The following GLYATL1 variants were observed in gnomAD, a reference collection of about 807,000 sequenced individuals.
The protein encoded by GLYATL1 is glycine N-acyltransferase-like protein 1.
A neutral mutation model predicts 20.0 loss-of-function variants in GLYATL1; 15 were observed. The observed-to-expected ratio is 0.75, with a 90% CI of 0.50 to 1.15. The LOEUF (loss-of-function observed/expected upper bound fraction) is 1.15. GLYATL1 is among the 50% of genes most tolerant of loss of function. The pLI, the probability that GLYATL1 is intolerant of heterozygous loss-of-function variation, is 0.00. For missense variants in GLYATL1, 380 were observed against 368.5 expected (o/e 1.03, Z -0.26); for synonymous variants, 151 against 131.5 (o/e 1.15, Z -1.01).
downstream of GLYATL1, among the ~76,000 whole-genome samples, chr11:58,909,818 T>C (rs1217411640): frequency 6.6e-6 from 1 of 152,188 alleles, no homozygotes; most frequent in Non-Finnish European, 1.5e-5. Flanking sequence ...AACAATAAAA[T>C]GGATTCATTT....
chr11:58,916,407 C>T (rs1855172922), intron 1 of GLYATL1, among the ~76,000 whole-genome samples: 1 of 152,190 alleles, frequency 6.6e-6, no homozygotes, highest in South Asian at 2.1e-4. Context: ...ACCAAGTCTC[C>T]CCATAAGAGC....
rs563562981 is a variant in GLYATL1 at position 58,954,806 on chromosome 11, T to C, written c.223T>C (p.Tyr75His). The change falls in exon 5 of 7, where the codon TAT (tyrosine) becomes CAT (histidine). Residue 75 changes from tyrosine (Y) to histidine (H), a missense_variant. Transcript: ENST00000532726. ...TDDMDSYTNV[Y>H]RMFSKEPQKS... ...TGACATGGATTCATACACAAACGTA[T>C]ATCGTATGTTCTCCAAAGAGCCTCA... 2.5e-6 allele frequency: 4 copies of C among 1,609,832 alleles called. No individual in the cohort carries two copies. In the South Asian group the frequency reaches 4.4e-5, roughly 18 times the overall value.
chr11:58,922,119 T>A lies in GLYATL1; in HGVS notation n.264+16458T>A, dbSNP rs905097623. 2.0e-5 allele frequency among the ~76,000 whole-genome samples: 3 copies of A among 152,240 alleles called. No homozygotes were observed. In the South Asian group the frequency reaches 6.2e-4, roughly 32 times the overall value. On this transcript the variant is annotated intron_variant and non_coding_transcript_variant, in intron 1 of 2. Coordinates refer to the GLYATL1 transcript ENST00000534674. ...ATCATTTGGATCCCAGTGGTGATCCTCTTCAAGAAATTGGCCCTGTGTATA... is the reference window on the plus strand; with the variant it reads ...ATCATTTGGATCCCAGTGGTGATCCACTTCAAGAAATTGGCCCTGTGTATA...
At chr11:58,947,419 C>G in intron 3 of GLYATL1, 1 of 538,714 alleles carries the variant, frequency 1.9e-6, no homozygotes, top group Non-Finnish European at 3.3e-6. Context: ...TGGTTTGGAG[C>G]CTGTCTGAAT....
Position 58,956,126 on chromosome 11 carries a change from T to G in GLYATL1, c.*99T>G. 1 of 1,045,586 alleles carries G rather than the reference T, an allele frequency of 9.6e-7. No individual in the cohort carries two copies. Among genetic ancestry groups the G allele is most frequent in the Non-Finnish European group, 1.4e-6 (1 of 708,520 alleles). 64.8% of individuals were successfully genotyped at this position (1,045,586 alleles called of 1,614,324 possible). ...TCACTTACAAATGCATATTGGGCAC[T>G]TATAATACAGCAGGAACTCTTCTCA... On this transcript the variant is annotated 3_prime_UTR_variant, in exon 7 of 7. Transcript: ENST00000532726.
At chr11:58,947,191 T>C in intron 3 of GLYATL1, 26 bp downstream of exon 3, 1 of 1,610,904 alleles carries the variant, frequency 6.2e-7, no homozygotes, top group Non-Finnish European at 8.5e-7. Context: ...GAGGTCAGGG[T>C]ATGGGAGTAG....
chr11:58,913,733 GT>G (rs1199194346), intron 1 of GLYATL1, among the ~76,000 whole-genome samples: 1 of 152,228 alleles, frequency 6.6e-6, no homozygotes, highest in African/African-American at 2.4e-5. Context: ...TGTTTTGGAA[GT>G]GGTCATAGTT....
At chr11:58,935,375 GA>G (rs1479902964), upstream of GLYATL1, 1 of 152,224 alleles carries the variant, frequency 6.6e-6, no homozygotes, top group African/African-American at 2.4e-5. Flanking sequence ...TCGACACAGA[GA>G]TTGCCTCTCT....
At chr11:58,921,512 A>C (rs1464845426) in intron 1 of GLYATL1, among the ~76,000 whole-genome samples, 3 of 152,130 alleles carry the variant, frequency 2.0e-5, no homozygotes, top group Admixed American at 6.5e-5. Context: ...TGGTTTTTTC[A>C]TACCGTGGCC....
intron 1 of GLYATL1, among the ~76,000 whole-genome samples, chr11:58,921,695 G>C (rs1212983896): frequency 1.3e-5 from 2 of 152,122 alleles, no homozygotes; most frequent in Non-Finnish European, 2.9e-5. Context: ...TTCTCTTCCT[G>C]TGAGGTCTGC....
At chr11:58,944,178 A>G (rs1856397363) in intron 2 of GLYATL1, among the ~76,000 whole-genome samples, 1 of 152,216 alleles carries the variant, frequency 6.6e-6, no homozygotes, top group Non-Finnish European at 1.5e-5. Context: ...AATGAACAAC[A>G]ATGCCAATGC....
upstream of GLYATL1, among the ~76,000 whole-genome samples, chr11:58,924,763 C>A (rs115240244): frequency 3.6e-3 from 544 of 152,236 alleles, 1 homozygote; most frequent in African/African-American, 0.013. Flanking sequence ...TGTTACCTGG[C>A]ATCTTAGTTT....
upstream of GLYATL1, among the ~76,000 whole-genome samples, chr11:58,937,806 G>C (rs1855901930): frequency 6.6e-6 from 1 of 152,156 alleles, no homozygotes. Flanking sequence ...CTGCATCCCA[G>C]TTTCACATTG....
intron 1 of GLYATL1, among the ~76,000 whole-genome samples, chr11:58,915,144 T>A (rs1323754494): frequency 1.3e-5 from 2 of 152,260 alleles, no homozygotes; most frequent in African/African-American, 4.8e-5. Context: ...TTCAAAATTC[T>A]TCTATTCTTA....
intron 1 of GLYATL1, chr11:58,928,707 G>T (rs911680033): frequency 6.6e-6 from 1 of 152,262 alleles, no homozygotes. Flanking sequence ...GCCCTGAGTA[G>T]CTCAGACTCT....
downstream of GLYATL1, among the ~76,000 whole-genome samples, chr11:58,909,347 T>A (rs191331873): frequency 4.6e-5 from 7 of 152,330 alleles, no homozygotes; most frequent in East Asian, 1.2e-3. Context: ...CAATATTGTA[T>A]ACTTAAATTA....
chr11:58,941,386 C>T (rs920793573), intron 1 of GLYATL1, among the ~76,000 whole-genome samples: 21 of 152,032 alleles, frequency 1.4e-4, no homozygotes, highest in Non-Finnish European at 7.4e-5. Flanking sequence ...TTTTTTATGG[C>T]TGCATAGTAT....
At chr11:58,939,696 GTTTGGGAAATT>G (rs1353060513) in intron 1 of GLYATL1, 46 bp downstream of exon 1, 1 of 152,184 alleles carries the variant, frequency 6.6e-6, no homozygotes, top group Non-Finnish European at 1.5e-5. Context: ...GCTCCTCTCA[GTTTGGGAAATT>G]TTTAAAGGAA....
intron 1 of GLYATL1, among the ~76,000 whole-genome samples, chr11:58,914,671 T>C (rs1293133651): frequency 6.6e-6 from 1 of 152,160 alleles, no homozygotes; most frequent in Non-Finnish European, 1.5e-5. Context: ...ATGGAGGTGA[T>C]AGGATTAACT....
Sources: gnomAD v4.1 joint callset for allele counts (sites outside exome capture counted in the v4.1 genomes callset) on GRCh38, gnomAD v4.1.1 for gene constraint, MANE v1.5 for transcripts, NCBI Gene and HGNC (gene_info 2026-07-23, HGNC 2026-07-21) for gene names.